Variants in TALDO1 observed in about 807,000 individuals in gnomAD.
TALDO1 encodes the protein transaldolase.
Under a neutral mutation model 38.1 loss-of-function variants are expected in TALDO1, and 29 were observed. That is an observed-to-expected ratio of 0.76 (90% CI 0.57 to 1.04). The LOEUF (loss-of-function observed/expected upper bound fraction) is 1.04. TALDO1 is among the 50% of genes least tolerant of loss of function. The probability of loss-of-function intolerance (pLI) is 0.00; values close to 1 mark genes in which losing one functional copy is unlikely to be tolerated. For synonymous variants in TALDO1, 207 were observed against 176.8 expected (o/e 1.17, Z -1.36); for missense variants, 499 against 438.1 (o/e 1.14, Z -1.24).
rs1797106237 is a variant in TALDO1 at position 760,109 on chromosome 11, C to T, written c.330-13C>T. The T allele has an allele frequency of 3.1e-6, 5 of 1,613,770 alleles. No homozygotes were observed. The highest frequency in any genetic ancestry group is 4.2e-6 in the Non-Finnish European group (5 of 1,179,886). Reference sequence around the variant, plus strand: ...GCGTGATCTGAGGGGATGGGTTCTTCTTGCTCCTACAGGCTCTCCTTTGAT... The same window carrying T: ...GCGTGATCTGAGGGGATGGGTTCTTTTTGCTCCTACAGGCTCTCCTTTGAT... On this transcript the variant is annotated splice_polypyrimidine_tract_variant and intron_variant, in intron 3 of 7. Transcript: ENST00000319006.
intron 1 of TALDO1, among the ~76,000 whole-genome samples, chr11:753,210 A>G (rs1471361301): frequency 2.6e-5 from 4 of 151,680 alleles, no homozygotes; most frequent in Admixed American, 1.3e-4. Flanking sequence ...CCCGGCCAAC[A>G]TGGCAAAACC....
chr11:761,976 T>G (rs1198115996), intron 4 of TALDO1, among the ~76,000 whole-genome samples: 6 of 151,894 alleles, frequency 4.0e-5, no homozygotes, highest in African/African-American at 1.5e-4. Flanking sequence ...TTTTGTTTTT[T>G]TTTGTTTTTG....
At position 764,860 on chromosome 11, in the gene TALDO1, T is replaced by C. The variant is rs750042631; in HGVS notation, c.*15T>C. The C allele has an allele frequency of 1.9e-6, 3 of 1,613,986 alleles. No homozygotes were observed. The highest frequency in any genetic ancestry group is 1.1e-5 in the South Asian group (1 of 91,082). ...ATGGAAAGTAGCGCATCCCTGAGGC[T>C]GGACTCCAGATCTGCACCGCCGGCC... On this transcript the variant is annotated 3_prime_UTR_variant, in exon 8 of 8. Coordinates refer to ENST00000319006, the MANE Select transcript of TALDO1 (RefSeq NM_006755.2).
At chr11:763,209 GCCCT>G (rs1862973491) in intron 4 of TALDO1, 131 bp from the exon 5 acceptor site, 1 of 34,504 alleles carries the variant, frequency 2.9e-5, no homozygotes, top group Non-Finnish European at 5.4e-5. Flanking sequence ...CACCTGCCCC[GCCCT>G]CACCTGCCCC....
intron 1 of TALDO1, among the ~76,000 whole-genome samples, chr11:755,369 C>T (rs2133572973): frequency 6.6e-6 from 1 of 152,226 alleles, no homozygotes. Context: ...TGGTCTTGAT[C>T]TCCTGACCTC....
chr11:750,900 C>T (rs994141587), intron 1 of TALDO1, among the ~76,000 whole-genome samples: 1 of 152,136 alleles, frequency 6.6e-6, no homozygotes, highest in Admixed American at 6.5e-5. Flanking sequence ...ATGGCCATAA[C>T]TCTTCACCTC....
Position 763,811 on chromosome 11 carries a change from G to A in TALDO1, c.702G>A (p.Met234Ile), listed in dbSNP as rs749386756. 14 of 1,613,958 alleles carry A rather than the reference G, an allele frequency of 8.7e-6. No homozygotes were observed. The highest frequency in any genetic ancestry group is 1.3e-5 in the African/African-American group (1 of 74,930). Reference protein sequence around the residue: ...YKKFSYKTIVMGASFRNTGEI... With the variant: ...YKKFSYKTIVIGASFRNTGEI... ...AGTTTAGCTACAAAACCATTGTCAT[G>A]GGCGCCTCCTTCCGCAACACGGGCG... The change falls in exon 6 of 8, where the codon ATG becomes ATA. Residue 234 changes from methionine to isoleucine, a missense_variant. Met to Ile is a conservative substitution (Grantham distance 10). Coordinates refer to ENST00000319006, the MANE Select transcript of TALDO1 (RefSeq NM_006755.2).
intron 1 of TALDO1, among the ~76,000 whole-genome samples, chr11:754,213 G>A (rs1303332980): frequency 6.6e-6 from 1 of 152,012 alleles, no homozygotes; most frequent in African/African-American, 2.4e-5. Flanking sequence ...TCGAACTCCT[G>A]ACCTCAAGTG....
chr11:755,030 C>T (rs1429056351), intron 1 of TALDO1, among the ~76,000 whole-genome samples: 5 of 149,446 alleles, frequency 3.3e-5, no homozygotes, highest in African/African-American at 1.2e-4. Context: ...GGTTCAGCAA[C>T]TATTAGATAA....
Position 764,496 on chromosome 11 carries a change from G to A in TALDO1, c.981+63G>A, listed in dbSNP as rs1221563797. 2.8e-5 allele frequency: 44 copies of A among 1,586,626 alleles called. No homozygotes were observed. The East Asian group carries it at 4.2e-4, about 15-fold the overall frequency. On this transcript the variant is annotated intron_variant, in intron 7 of 7. Coordinates refer to ENST00000319006, the MANE Select transcript of TALDO1 (RefSeq NM_006755.2). The stretch of plus-strand genomic sequence containing the variant: ...CTATGAGAGCCCGGGCCTGGGCGTC[G>A]GGGTTCAAGCTGGGCAGAGTTAAAA...
chr11:758,930 T>A lies in TALDO1; in HGVS notation c.222-20T>A. 1 of 1,604,336 alleles carries A rather than the reference T, an allele frequency of 6.2e-7. No homozygotes were observed. The highest frequency in any genetic ancestry group is 8.5e-7 in the Non-Finnish European group (1 of 1,173,312). On this transcript the variant is annotated intron_variant, in intron 2 of 7. Transcript: ENST00000319006. ...AACCTCAGAAGCTTCTAACCTGCTT[T>A]TTTTCCCTTTGAATTTCAGGTCACA...
At chr11:753,202 C>T (rs28842814) in intron 1 of TALDO1, among the ~76,000 whole-genome samples, 280 of 151,300 alleles carry the variant, frequency 1.9e-3, no homozygotes, top group African/African-American at 6.4e-3. Context: ...GAGACCAGCC[C>T]GGCCAACATG....
At chr11:749,369 T>C (rs1862713033) in intron 1 of TALDO1, among the ~76,000 whole-genome samples, 1 of 125,122 alleles carries the variant, frequency 8.0e-6, no homozygotes. Context: ...ACCACTGCAC[T>C]CCAGCCTGGG....
Position 756,940 on chromosome 11 carries a change from T to C in TALDO1, c.221+938T>C, listed in dbSNP as rs111629120. Among the ~76,000 whole-genome samples the C allele has an allele frequency of 4.0e-3, 605 of 152,346 alleles. 5 individuals carry two copies. The highest frequency in any genetic ancestry group is 0.022 in the East Asian group (115 of 5,192). ...CCCTCTTCATGCCTGTGGCTTTGCATATTTTAGATGTCATTTTAGATTCTC... is the reference window on the plus strand; with the variant it reads ...CCCTCTTCATGCCTGTGGCTTTGCACATTTTAGATGTCATTTTAGATTCTC... On this transcript the variant is annotated intron_variant, in intron 2 of 7. Transcript: ENST00000319006.
intron 1 of TALDO1, among the ~76,000 whole-genome samples, chr11:750,606 T>C (rs1341549440): frequency 6.6e-6 from 1 of 152,074 alleles, no homozygotes; most frequent in Non-Finnish European, 1.5e-5. Flanking sequence ...AGGCCGATCA[T>C]GAGGTCAGGA....
Position 760,415 on chromosome 11 carries a change from C to G in TALDO1, c.461+162C>G, listed in dbSNP as rs925576911. On this transcript the variant is annotated intron_variant, in intron 4 of 7. Transcript: ENST00000319006. ...TTGACCAGCTCATGTCAGCCTAGAT[C>G]TGCCCTCTGCTCCAGAGCCAGCTCC... 2.8e-5 allele frequency: 29 copies of G among 1,022,226 alleles called. No individual in the cohort carries two copies. In the Middle Eastern group the frequency reaches 1.2e-3, roughly 43 times the overall value. 63.3% of individuals were successfully genotyped at this position (1,022,226 alleles called of 1,614,324 possible). A position where few individuals can be genotyped will look rare whatever the true frequency, so the allele number is the denominator to read the frequency against.
intron 5 of TALDO1, 73 bp downstream of exon 5, chr11:763,592 C>G (rs980434190): frequency 2.5e-6 from 4 of 1,595,670 alleles, no homozygotes; most frequent in South Asian, 1.1e-5. Context: ...GAGCCCGAGA[C>G]GGAGCTGCCG....
chr11:763,637 G>C (rs945490476), intron 5 of TALDO1, 110 bp from the exon 6 acceptor site: 10 of 1,565,784 alleles, frequency 6.4e-6, no homozygotes, highest in Non-Finnish European at 8.8e-6. Context: ...GGTCGGCGCG[G>C]GGCAGGCAGG....
At chr11:757,540 C>G (rs1862859267) in intron 2 of TALDO1, among the ~76,000 whole-genome samples, 1 of 152,070 alleles carries the variant, frequency 6.6e-6, no homozygotes, top group Non-Finnish European at 1.5e-5. Flanking sequence ...GCAGTCTGCC[C>G]ACCTTGGCCT....
Sources: allele counts gnomAD v4.1 joint callset (sites outside exome capture counted in the v4.1 genomes callset), GRCh38; gene constraint gnomAD v4.1.1; transcripts MANE v1.5; gene names NCBI Gene and HGNC (gene_info 2026-07-23, HGNC 2026-07-21).